The following SNX24 variants were observed in gnomAD, a reference collection of about 807,000 sequenced individuals.
The protein encoded by SNX24 is sorting nexin 24.
In SNX24, 22 loss-of-function variants were observed where a neutral mutation model predicts 28.7. The ratio of observed to expected loss-of-function variants is 0.77; its 90% CI spans 0.55 to 1.10. The LOEUF (loss-of-function observed/expected upper bound fraction) is 1.10, where lower values mean the gene tolerates loss of function less well. Ranked by LOEUF, SNX24 falls within the 50% of genes least tolerant of loss-of-function variation. SNX24 has a pLI of 0.00. For synonymous variants in SNX24, 69 were observed against 71.5 expected (o/e 0.96, Z 0.18); for missense variants, 221 against 201.1 (o/e 1.10, Z -0.60).
intron 2 of SNX24, 136 bp downstream of exon 2, chr5:122,936,953 A>G: frequency 2.1e-6 from 1 of 467,248 alleles, no homozygotes; most frequent in Admixed American, 4.0e-5. Context: ...CATAAAGTAA[A>G]TTTCTTTTTG....
intron 5 of SNX24, among the ~76,000 whole-genome samples, chr5:123,020,463 C>G (rs1762746612): frequency 6.6e-6 from 1 of 152,174 alleles, no homozygotes; most frequent in Non-Finnish European, 1.5e-5. Flanking sequence ...TCATGTTACT[C>G]TGAGTTCTCT....
chr5:122,895,556 G>A (rs1310631529), intron 1 of SNX24, among the ~76,000 whole-genome samples: 1 of 152,134 alleles, frequency 6.6e-6, no homozygotes, highest in Non-Finnish European at 1.5e-5. Context: ...TGGAAGGATG[G>A]GGTTGTGTGA....
At chr5:122,877,897 A>G (rs1253860528) in intron 1 of SNX24, among the ~76,000 whole-genome samples, 2 of 152,026 alleles carry the variant, frequency 1.3e-5, no homozygotes, top group African/African-American at 4.8e-5. Flanking sequence ...GCTCCTATGG[A>G]CAGGAGCCCT....
At chr5:122,877,568 CCTCT>C (rs1248420011) in intron 1 of SNX24, among the ~76,000 whole-genome samples, 3 of 151,988 alleles carry the variant, frequency 2.0e-5, no homozygotes, top group Admixed American at 6.6e-5. Flanking sequence ...AATTTAGTAT[CCTCT>C]CTCTCATCTC....
intron 2 of SNX24, among the ~76,000 whole-genome samples, chr5:122,944,546 A>G (rs1006084452): frequency 1.3e-5 from 2 of 152,202 alleles, no homozygotes; most frequent in African/African-American, 4.8e-5. Flanking sequence ...TCTAAAACCA[A>G]AATAATGGTG....
intron 1 of SNX24, among the ~76,000 whole-genome samples, chr5:122,872,090 A>G (rs573365083): frequency 1.3e-5 from 2 of 150,036 alleles, no homozygotes; most frequent in African/African-American, 4.9e-5. Context: ...TTAATACATC[A>G]TCATATATTT....
intron 1 of SNX24, among the ~76,000 whole-genome samples, chr5:122,920,794 T>A (rs1428594718): frequency 2.0e-5 from 3 of 152,192 alleles, no homozygotes; most frequent in African/African-American, 7.2e-5. Flanking sequence ...CTCAAAAATT[T>A]AAAAAATGAG....
chr5:122,900,700 T>G (rs1581723498), intron 1 of SNX24, among the ~76,000 whole-genome samples: 1 of 151,398 alleles, frequency 6.6e-6, no homozygotes, highest in African/African-American at 2.4e-5. Flanking sequence ...GACTGGGAGG[T>G]CAAGCCTGCA....
intron 1 of SNX24, among the ~76,000 whole-genome samples, chr5:122,930,578 G>C (rs1758907056): frequency 1.3e-5 from 2 of 152,068 alleles, no homozygotes; most frequent in African/African-American, 4.8e-5. Context: ...TCCTTGTCTT[G>C]TTTTTCCCTG....
At chr5:123,019,560 T>C (rs1762733985) in intron 5 of SNX24, among the ~76,000 whole-genome samples, 1 of 152,192 alleles carries the variant, frequency 6.6e-6, no homozygotes, top group Non-Finnish European at 1.5e-5. Flanking sequence ...AAAAGTAAAT[T>C]TTACTGAACT....
chr5:122,859,398 A>G (rs1755352665), intron 1 of SNX24, among the ~76,000 whole-genome samples: 1 of 152,032 alleles, frequency 6.6e-6, no homozygotes, highest in Non-Finnish European at 1.5e-5. Context: ...GAGCCCAGGG[A>G]TTTGAGGAGT....
Position 123,000,017 on chromosome 5 carries a change from T to C in SNX24, c.344+11T>C. The C allele has an allele frequency of 6.7e-7, 1 of 1,502,950 alleles. No homozygotes were observed. 93.1% of individuals were successfully genotyped at this position (1,502,950 alleles called of 1,614,324 possible). Reference sequence around the variant, plus strand: ...GGCAGAAAGTTGTGGGTAAGAATCATGTTTGCATATTGGATGTGTATTTTA... The same window carrying C: ...GGCAGAAAGTTGTGGGTAAGAATCACGTTTGCATATTGGATGTGTATTTTA... On this transcript the variant is annotated intron_variant, in intron 4 of 6. Transcript: ENST00000261369.
intron 5 of SNX24, among the ~76,000 whole-genome samples, chr5:123,021,794 C>A (rs559590833): frequency 4.6e-5 from 7 of 152,252 alleles, no homozygotes; most frequent in African/African-American, 1.7e-4. Flanking sequence ...CTATCCCGCT[C>A]CCCTTTCTGC....
At position 122,999,912 on chromosome 5, in the gene SNX24, G is replaced by C. The variant is rs1325608518; in HGVS notation, c.250G>C (p.Ala84Pro). Residue 84 changes from alanine (A) to proline (P), a missense_variant and splice_region_variant, in exon 4 of 7, where the codon GCT (alanine) becomes CCT (proline). Ala to Pro is a conservative substitution (Grantham distance 27). Transcript: ENST00000261369. ...CGAATTCTGTTTTCTGCTTTCACAG[G>C]CTGTCATTTTAGAAAATGAAGAACT... The part of the protein sequence containing the change: ...RRQGLETYLQ[A>P]VILENEELPK... 6.3e-7 allele frequency: 1 copy of C among 1,592,312 alleles called. No homozygotes were observed. The highest frequency in any genetic ancestry group is 8.6e-7 in the Non-Finnish European group (1 of 1,160,248).
At chr5:122,882,801 C>G (rs374181461) in intron 1 of SNX24, among the ~76,000 whole-genome samples, 1 of 151,936 alleles carries the variant, frequency 6.6e-6, no homozygotes, top group Non-Finnish European at 1.5e-5. Flanking sequence ...TTTCAGCTCA[C>G]TGGCTTTTAA....
chr5:122,973,156 G>A (rs1761024569), intron 3 of SNX24, among the ~76,000 whole-genome samples: 1 of 152,192 alleles, frequency 6.6e-6, no homozygotes, highest in African/African-American at 2.4e-5. Context: ...ACCACTCAGA[G>A]GGGTCCATCC....
intron 1 of SNX24, among the ~76,000 whole-genome samples, chr5:122,912,541 T>A (rs1267146210): frequency 1.3e-5 from 2 of 152,210 alleles, no homozygotes; most frequent in East Asian, 3.9e-4. Context: ...GCATCCTGTC[T>A]TGTGCCAGTT....
rs567446097 is a variant in SNX24, at chr5:123,001,806, A to T, written c.378-134A>T. ...GTTCACTCTTACTCTGCGTGCTATT[A>T]TTCACCCACACTGTTAGAACATAAA... On this transcript the variant is annotated intron_variant, in intron 5 of 6. Transcript: ENST00000261369. The T allele has an allele frequency of 4.3e-5, 31 of 726,826 alleles. No individual in the cohort carries two copies. In the East Asian group the frequency reaches 6.5e-4, roughly 15 times the overall value. The allele number at this position is 726,826 out of a possible 1,614,324, so 45.0% of individuals were successfully genotyped here. A position where few individuals can be genotyped will look rare whatever the true frequency, so the allele number is the denominator to read the frequency against.
intron 3 of SNX24, among the ~76,000 whole-genome samples, chr5:122,948,909 A>C (rs536019042): frequency 6.6e-6 from 1 of 152,346 alleles, no homozygotes; most frequent in East Asian, 1.9e-4. Context: ...AAAGGAAAAG[A>C]CCTGATAATC....
Sources: gnomAD v4.1 joint callset for allele counts (sites outside exome capture counted in the v4.1 genomes callset) on GRCh38, gnomAD v4.1.1 for gene constraint, MANE v1.5 for transcripts, NCBI Gene and HGNC (gene_info 2026-07-23, HGNC 2026-07-21) for gene names.